The following FREM3 variants were observed in gnomAD, a reference collection of about 807,000 sequenced individuals.
The protein encoded by FREM3 is FRAS1 related extracellular matrix 3, also known as FRAS1-related extracellular matrix protein 3.
FREM3 carries 105 observed loss-of-function variants against 129.1 expected under a neutral mutation model. The observed-to-expected ratio is 0.81, with a 90% CI of 0.69 to 0.96. The LOEUF is 0.96. Ranked by LOEUF, FREM3 falls within the 40% of genes least tolerant of loss-of-function variation. The pLI, the probability that FREM3 is intolerant of heterozygous loss-of-function variation, is 0.00. For missense variants in FREM3, 2,593 were observed against 2,666.3 expected, an observed-to-expected ratio of 0.97 and a Z score of 0.61; for synonymous variants, 1,014 against 1,044.9, an observed-to-expected ratio of 0.97 and a Z score of 0.57.
chr4:143,696,961 C>G lies in FREM3; in HGVS notation c.3715G>C (p.Gly1239Arg). 1 of 1,537,714 alleles carries G rather than the reference C, an allele frequency of 6.5e-7. No homozygotes were observed. The highest frequency in any genetic ancestry group is 8.7e-7 in the Non-Finnish European group (1 of 1,147,054). The stretch of plus-strand genomic sequence containing the variant: ...GTAGCCAGCTGCTGTATGATTCGTC[C>G]ATGCCGAGGGAGGGCTGTGAGTTGA... Reference protein sequence around the residue: ...HFQLTALPRHGRIIQQLATGS... With the variant: ...HFQLTALPRHRRIIQQLATGS... The change falls in exon 1 of 8, where the codon GGA becomes CGA. Residue 1239 changes from glycine (G) to arginine (R), a missense_variant. Around this residue, in one of 2 missense-constraint regions of FREM3, gnomAD observed 2,276 missense variants for 2,267.2 expected, o/e 1.00. Transcript: ENST00000329798.
chr4:143,663,989 A>G (rs1049281816), intron 2 of FREM3, among the ~76,000 whole-genome samples: 2 of 151,952 alleles, frequency 1.3e-5, no homozygotes, highest in East Asian at 3.9e-4. Flanking sequence ...CATTCATCTA[A>G]ATGTTTTTCA....
chr4:143,607,383 T>G (rs570058866), intron 6 of FREM3, among the ~76,000 whole-genome samples: 12 of 152,312 alleles, frequency 7.9e-5, no homozygotes, highest in Admixed American at 7.2e-4. Flanking sequence ...CTTTTTTTCT[T>G]GAGCTCCTCC....
At chr4:143,618,546 C>A (rs1738891899) in intron 5 of FREM3, among the ~76,000 whole-genome samples, 1 of 151,970 alleles carries the variant, frequency 6.6e-6, no homozygotes, top group African/African-American at 2.4e-5. Flanking sequence ...TTAAGTTTGC[C>A]AAACTTAACC....
intron 2 of FREM3, among the ~76,000 whole-genome samples, chr4:143,630,408 A>G (rs1421466820): frequency 1.3e-5 from 2 of 152,132 alleles, no homozygotes; most frequent in African/African-American, 4.8e-5. Flanking sequence ...CTCCTCTTTT[A>G]TTTTAACATT....
Position 143,696,933 on chromosome 4 carries a change from C to T in FREM3, c.3743G>A (p.Gly1248Asp), listed in dbSNP as rs1474999531. 1 of 1,537,322 alleles carries T rather than the reference C, an allele frequency of 6.5e-7. No individual in the cohort carries two copies. Among genetic ancestry groups the T allele is most frequent in the Admixed American group, 2.0e-5 (1 of 50,984 alleles). ...HGRIIQQLATGSQPIHSFTLK... is the reference protein window; with the variant it reads ...HGRIIQQLATDSQPIHSFTLK... ...GGTGAAGCTGTGGATGGGCTGGCTG[C>T]CTGTAGCCAGCTGCTGTATGATTCG... The change falls in exon 1 of 8, where the codon GGC becomes GAC. Residue 1248 changes from glycine (G) to aspartate (D), a missense_variant. Gly to Asp is a moderately conservative substitution (Grantham distance 94). Transcript: ENST00000329798.
intron 2 of FREM3, among the ~76,000 whole-genome samples, chr4:143,654,350 C>T (rs1001299984): frequency 1.3e-5 from 2 of 152,158 alleles, no homozygotes; most frequent in African/African-American, 4.8e-5. Context: ...GTGATCTGCC[C>T]GCCTTGGCCT....
At chr4:143,685,876 T>G (rs1186126308) in intron 2 of FREM3, among the ~76,000 whole-genome samples, 2 of 151,950 alleles carry the variant, frequency 1.3e-5, no homozygotes. Context: ...GGTGGGGGCC[T>G]GGAGGAGGGA....
intron 2 of FREM3, among the ~76,000 whole-genome samples, chr4:143,660,772 T>C (rs1739699259): frequency 6.6e-6 from 1 of 152,116 alleles, no homozygotes; most frequent in Admixed American, 6.5e-5. Context: ...AGCAGTGGTT[T>C]GTAGTTCTCC....
chr4:143,680,233 T>G (rs1740226105), intron 2 of FREM3, among the ~76,000 whole-genome samples: 1 of 151,192 alleles, frequency 6.6e-6, no homozygotes, highest in South Asian at 2.1e-4. Flanking sequence ...TATATATATG[T>G]ATATATGGAA....
intron 6 of FREM3, among the ~76,000 whole-genome samples, chr4:143,609,027 C>CT (rs1423180983): frequency 1.3e-5 from 2 of 152,076 alleles, no homozygotes; most frequent in African/African-American, 4.8e-5. Context: ...CTTAGAATGA[C>CT]TTAAGAATCA....
At chr4:143,643,888 T>A (rs922111348) in intron 2 of FREM3, among the ~76,000 whole-genome samples, 1 of 152,162 alleles carries the variant, frequency 6.6e-6, no homozygotes, top group Non-Finnish European at 1.5e-5. Context: ...ATTCGATCAG[T>A]ATTTAACACA....
In FREM3 at chr4:143,700,606, A is replaced by G. The variant is rs1432221753; in HGVS notation, c.70T>C (p.Leu24=). ...CGTCCCTGCAGCGCGGGGCGACTCA[A>G]GAGCAGGCAGGCGAGCGCCACAAGG... ...QLLVALACLL[L]SRPALQGRAS... The change falls in exon 1 of 8, where the codon TTG becomes CTG. Residue 24 remains leucine (L), a synonymous_variant. Transcript: ENST00000329798. 6.8e-7 allele frequency: 1 copy of G among 1,461,614 alleles called. No individual in the cohort carries two copies. Among genetic ancestry groups the G allele is most frequent in the Non-Finnish European group, 9.0e-7 (1 of 1,108,582 alleles). 90.5% of individuals were successfully genotyped at this position (1,461,614 alleles called of 1,614,324 possible).
At chr4:143,652,980 T>C (rs1181061510) in intron 2 of FREM3, among the ~76,000 whole-genome samples, 1 of 152,202 alleles carries the variant, frequency 6.6e-6, no homozygotes, top group African/African-American at 2.4e-5. Context: ...AAAAAAGCTG[T>C]ACAAGGTTTT....
intron 2 of FREM3, among the ~76,000 whole-genome samples, chr4:143,672,498 G>A (rs1740017332): frequency 6.6e-6 from 1 of 152,196 alleles, no homozygotes; most frequent in African/African-American, 2.4e-5. Context: ...TGGGTAACCT[G>A]ACCTTTCTCT....
chr4:143,696,096 C>T lies in FREM3; in HGVS notation c.4580G>A (p.Arg1527Lys), dbSNP rs1578874456. The T allele has an allele frequency of 6.5e-7, 1 of 1,537,470 alleles. No individual in the cohort carries two copies. The highest frequency in any genetic ancestry group is 2.4e-5 in the East Asian group (1 of 40,912). Residue 1527 changes from arginine (R) to lysine (K), a missense_variant, in exon 1 of 8, where the codon AGG becomes AAG. Coordinates refer to ENST00000329798, the MANE Select transcript of FREM3 (RefSeq NM_001168235.2). ...ATTATCCACATCAGTGATGAAGATC[C>T]TGAAGGTTCTGAACACAGGGTAGAG... ...GELYPVFRTFRIFITDVDNKK... is the reference protein window; with the variant it reads ...GELYPVFRTFKIFITDVDNKK...
At chr4:143,579,220 G>A (rs905959432) in intron 7 of FREM3, among the ~76,000 whole-genome samples, 4 of 152,118 alleles carry the variant, frequency 2.6e-5, no homozygotes, top group Non-Finnish European at 4.4e-5. Context: ...TTGGGAGGCC[G>A]ATGTGAGCAG....
chr4:143,674,556 G>A (rs1740069667), intron 2 of FREM3, among the ~76,000 whole-genome samples: 1 of 152,178 alleles, frequency 6.6e-6, no homozygotes, highest in Admixed American at 6.5e-5. Flanking sequence ...AACCTTAAAT[G>A]TAAATGAGCT....
intron 6 of FREM3, among the ~76,000 whole-genome samples, chr4:143,588,511 G>A (rs1250487535): frequency 6.6e-5 from 10 of 151,196 alleles, no homozygotes; most frequent in Admixed American, 2.6e-4. Flanking sequence ...TTTTCTCCTC[G>A]CGATAGTTTG....
chr4:143,651,855 C>T (rs548772145), intron 2 of FREM3, among the ~76,000 whole-genome samples: 69 of 152,280 alleles, frequency 4.5e-4, no homozygotes, highest in South Asian at 1.9e-3. Flanking sequence ...ATAAAATAAT[C>T]AGTTATGTGC....
Sources: allele counts gnomAD v4.1 joint callset (sites outside exome capture counted in the v4.1 genomes callset), GRCh38; gene constraint gnomAD v4.1.1; regional missense constraint gnomAD v4.1.1; transcripts MANE v1.5; gene names NCBI Gene and HGNC (gene_info 2026-07-23, HGNC 2026-07-21).